MACROD2: variants seen among roughly 807,000 people sequenced by gnomAD.
The protein encoded by MACROD2 is ADP-ribose glycohydrolase MACROD2.
In MACROD2, 36 loss-of-function variants were observed where a neutral mutation model predicts 70.4. The observed-to-expected ratio is 0.51, with a 90% CI of 0.39 to 0.68. MACROD2 has a LOEUF of 0.68. Ranked by LOEUF, MACROD2 falls within the 30% of genes least tolerant of loss-of-function variation. The pLI is 0.00. For synonymous variants in MACROD2, 172 were observed against 178.8 expected (o/e 0.96, Z 0.30); for missense variants, 496 against 538.4 (o/e 0.92, Z 0.78).
intron 8 of MACROD2, among the ~76,000 whole-genome samples, chr20:15,523,913 C>T (rs539343607): frequency 7.9e-5 from 12 of 152,196 alleles, no homozygotes; most frequent in Admixed American, 5.2e-4. Context: ...TCCTTCATGT[C>T]GCACCAGCCT....
chr20:14,609,859 G>GA (rs910655246), intron 4 of MACROD2, among the ~76,000 whole-genome samples: 49 of 152,242 alleles, frequency 3.2e-4, no homozygotes, highest in African/African-American at 1.2e-3. Flanking sequence ...ACAATGGAGA[G>GA]AAAATCCCAA....
At position 15,759,871 on chromosome 20, in the gene MACROD2, C is replaced by T. The variant is rs184151653; in HGVS notation, c.646-102874C>T. Among the ~76,000 whole-genome samples the T allele has an allele frequency of 3.9e-5, 6 of 152,292 alleles. No individual in the cohort carries two copies. In the South Asian group the frequency reaches 6.2e-4, roughly 16 times the overall value. ...TACAGGAGTTTTCTATTACAGAACT[C>T]GTACATGCATTTGTACCAGGAAAAT... On this transcript the variant is annotated intron_variant, in intron 8 of 17. Transcript: ENST00000684519.
chr20:15,603,090 A>G (rs1313087512), intron 8 of MACROD2, among the ~76,000 whole-genome samples: 2 of 152,214 alleles, frequency 1.3e-5, no homozygotes, highest in Non-Finnish European at 2.9e-5. Flanking sequence ...TTGAAGCACA[A>G]TAATAAATAT....
chr20:14,003,118 T>C (rs2052757624), intron 2 of MACROD2, among the ~76,000 whole-genome samples: 1 of 152,188 alleles, frequency 6.6e-6, no homozygotes, highest in Non-Finnish European at 1.5e-5. Flanking sequence ...TTAAGGTGCT[T>C]AACAGTTGAG....
At chr20:14,736,761 A>G (rs2071669824) in intron 5 of MACROD2, among the ~76,000 whole-genome samples, 1 of 152,182 alleles carries the variant, frequency 6.6e-6, no homozygotes. Context: ...TGACTTATAT[A>G]ACATCACATA....
At chr20:15,755,369 G>A (rs114476067) in intron 8 of MACROD2, among the ~76,000 whole-genome samples, 1,544 of 152,302 alleles carry the variant, frequency 0.01, 25 homozygotes, top group African/African-American at 0.034. Context: ...GTAAGAAGAA[G>A]TTTAAATATG....
chr20:14,702,654 T>TATATATGTGTATATATATATACAC (rs1476046631), intron 5 of MACROD2, among the ~76,000 whole-genome samples: 1 of 77,354 alleles, frequency 1.3e-5, no homozygotes, highest in Non-Finnish European at 2.6e-5. Flanking sequence ...TATATACACA[T>TATATATGTGTATATATATATACAC]ATATATGTGT....
chr20:15,167,964 A>G (rs1240665367), intron 5 of MACROD2, among the ~76,000 whole-genome samples: 3 of 152,192 alleles, frequency 2.0e-5, no homozygotes, highest in African/African-American at 4.8e-5. Context: ...GTAAAATTAG[A>G]TACGAAGTAT....
intron 8 of MACROD2, among the ~76,000 whole-genome samples, chr20:15,706,802 G>A (rs1362921010): frequency 6.6e-6 from 1 of 152,156 alleles, no homozygotes; most frequent in Non-Finnish European, 1.5e-5. Context: ...ATTCTGTATT[G>A]AGAAGGAGGT....
chr20:14,565,330 C>A (rs917737468), intron 4 of MACROD2, among the ~76,000 whole-genome samples: 1 of 149,574 alleles, frequency 6.7e-6, no homozygotes, highest in African/African-American at 2.4e-5. Context: ...AACTTATACT[C>A]CTGAATCTAT....
At chr20:14,865,867 A>G (rs2073422583) in intron 5 of MACROD2, among the ~76,000 whole-genome samples, 1 of 152,092 alleles carries the variant, frequency 6.6e-6, no homozygotes, top group African/African-American at 2.4e-5. Flanking sequence ...TTTTCTTCAA[A>G]CACTAAGTGA....
intron 3 of MACROD2, among the ~76,000 whole-genome samples, chr20:14,320,945 T>C (rs1041762781): frequency 6.6e-6 from 1 of 152,196 alleles, no homozygotes; most frequent in Non-Finnish European, 1.5e-5. Flanking sequence ...GAGGTCTTCC[T>C]TGAGCTATTC....
intron 4 of MACROD2, among the ~76,000 whole-genome samples, chr20:14,677,362 C>T (rs1261336546): frequency 6.6e-6 from 1 of 152,208 alleles, no homozygotes; most frequent in African/African-American, 2.4e-5. Flanking sequence ...TGAAACTTAT[C>T]TTTCTATCCC....
At chr20:15,648,035 A>G (rs1355459498) in intron 8 of MACROD2, among the ~76,000 whole-genome samples, 3 of 152,024 alleles carry the variant, frequency 2.0e-5, no homozygotes, top group Non-Finnish European at 2.9e-5. Context: ...ACAACAGACA[A>G]TTTTAACTGA....
chr20:15,089,041 T>C (rs2075773995), intron 5 of MACROD2, among the ~76,000 whole-genome samples: 1 of 152,138 alleles, frequency 6.6e-6, no homozygotes, highest in Non-Finnish European at 1.5e-5. Context: ...ACAGTTTTTT[T>C]TCTCCCTTCA....
At chr20:14,953,948 T>C (rs1028741) in intron 5 of MACROD2, among the ~76,000 whole-genome samples, 360 of 152,230 alleles carry the variant, frequency 2.4e-3, no homozygotes, top group Non-Finnish European at 4.4e-3. Context: ...GATGAGTGAG[T>C]GTTCATTTAG....
At chr20:15,465,926 G>C (rs2046881941) in intron 7 of MACROD2, among the ~76,000 whole-genome samples, 1 of 152,166 alleles carries the variant, frequency 6.6e-6, no homozygotes, top group African/African-American at 2.4e-5. Flanking sequence ...AGGGTCCTCA[G>C]CTCCGTGGAC....
chr20:15,605,453 CGTGTGT>C (rs57584580), intron 8 of MACROD2, among the ~76,000 whole-genome samples: 41 of 141,782 alleles, frequency 2.9e-4, no homozygotes, highest in East Asian at 1.0e-3. Context: ...AGGATGTAAG[CGTGTGT>C]GTGTGTGTGT....
intron 5 of MACROD2, among the ~76,000 whole-genome samples, chr20:14,841,305 T>G (rs1167582355): frequency 6.6e-6 from 1 of 152,164 alleles, no homozygotes; most frequent in Non-Finnish European, 1.5e-5. Context: ...ATTGAAAAAT[T>G]CCCTCATTAA....
Sources: gnomAD v4.1 joint callset for allele counts (sites outside exome capture counted in the v4.1 genomes callset) on GRCh38, gnomAD v4.1.1 for gene constraint, MANE v1.5 for transcripts, NCBI Gene and HGNC (gene_info 2026-07-23, HGNC 2026-07-21) for gene names.